The following SUSD4 variants were observed in gnomAD, a reference collection of about 807,000 sequenced individuals.
The protein encoded by SUSD4 is sushi domain containing 4.
A neutral mutation model predicts 50.5 loss-of-function variants in SUSD4; 41 were observed. The observed-to-expected ratio is 0.81, with a 90% CI of 0.63 to 1.05. The LOEUF (loss-of-function observed/expected upper bound fraction) is 1.05, where lower values mean the gene tolerates loss of function less well. Among genes scored for constraint, SUSD4 ranks in the 50% least tolerant of loss-of-function variants. The probability of loss-of-function intolerance (pLI) is 0.00; values close to 1 mark genes in which losing one functional copy is unlikely to be tolerated. For synonymous variants in SUSD4, 257 were observed against 257.3 expected (o/e 1.00, Z 0.01); for missense variants, 580 against 634.7 (o/e 0.91, Z 0.93).
intron 2 of SUSD4, among the ~76,000 whole-genome samples, chr1:223,355,976 G>GCACATCC: frequency 6.6e-6 from 1 of 152,262 alleles, no homozygotes. Context: ...GCTGGGGCCT[G>GCACATCC]CACATGCCTC....
At chr1:223,251,525 T>A (rs151000231) in intron 5 of SUSD4, among the ~76,000 whole-genome samples, 1 of 152,074 alleles carries the variant, frequency 6.6e-6, no homozygotes, top group African/African-American at 2.4e-5. Context: ...GGAAATAACA[T>A]CCAAAACATA....
chr1:223,328,886 C>T (rs1390831824), intron 2 of SUSD4, among the ~76,000 whole-genome samples: 1 of 152,180 alleles, frequency 6.6e-6, no homozygotes, highest in African/African-American at 2.4e-5. Context: ...ACCATGACTC[C>T]ACAAACTTTA....
At chr1:223,232,172 G>C (rs889772207) in intron 5 of SUSD4, among the ~76,000 whole-genome samples, 4 of 152,198 alleles carry the variant, frequency 2.6e-5, no homozygotes, top group Non-Finnish European at 4.4e-5. Context: ...TGGGGAGGTA[G>C]AGGGAATCAG....
intron 2 of SUSD4, among the ~76,000 whole-genome samples, chr1:223,298,118 A>T (rs1309293886): frequency 6.6e-6 from 1 of 151,930 alleles, no homozygotes; most frequent in Non-Finnish European, 1.5e-5. Context: ...GCATCGCTAG[A>T]TGGATGGATG....
intron 3 of SUSD4, among the ~76,000 whole-genome samples, chr1:223,283,414 G>GA (rs1277998971): frequency 6.6e-6 from 1 of 152,124 alleles, no homozygotes; most frequent in Non-Finnish European, 1.5e-5. Flanking sequence ...ATCAAAAATG[G>GA]GTGAAGGATA....
intron 2 of SUSD4, among the ~76,000 whole-genome samples, chr1:223,353,850 T>C (rs763591128): frequency 1.3e-5 from 2 of 152,002 alleles, no homozygotes; most frequent in Non-Finnish European, 2.9e-5. Context: ...AAGCCACTCA[T>C]GGCCACACTG....
chr1:223,252,145 C>T (rs1661357335), intron 5 of SUSD4, among the ~76,000 whole-genome samples: 2 of 147,840 alleles, frequency 1.4e-5, no homozygotes, highest in Admixed American at 6.8e-5. Flanking sequence ...GTGCAGCACA[C>T]CAACATGGCA....
chr1:223,325,067 AT>A (rs1378771036), intron 2 of SUSD4, among the ~76,000 whole-genome samples: 1 of 152,084 alleles, frequency 6.6e-6, no homozygotes, highest in Non-Finnish European at 1.5e-5. Context: ...GCATTTGGAA[AT>A]TCTTATGATT....
At chr1:223,286,416 A>T (rs1165678120) in intron 3 of SUSD4, among the ~76,000 whole-genome samples, 1 of 151,372 alleles carries the variant, frequency 6.6e-6, no homozygotes, top group Admixed American at 6.6e-5. Flanking sequence ...CACCTGGCCA[A>T]TTTTTTGTAT....
rs959080944 is a variant in SUSD4, at chr1:223,221,865, G to A, written c.*327C>T. The A allele has an allele frequency of 1.1e-5, 3 of 269,672 alleles. No individual in the cohort carries two copies. Among genetic ancestry groups the A allele is most frequent in the South Asian group, 1.5e-4 (1 of 6,806 alleles). The allele number at this position is 269,672 out of a possible 1,614,324, so 16.7% of individuals were successfully genotyped here. A position where few individuals can be genotyped will look rare whatever the true frequency, so the allele number is the denominator to read the frequency against. On this transcript the variant is annotated 3_prime_UTR_variant, in exon 9 of 9. Coordinates refer to ENST00000366878, the MANE Select transcript of SUSD4 (RefSeq NM_017982.4). ...GAGTACTTGCCAGTCAATGGGATGC[G>A]TGATGATTCGGTGGGATGTGCGTGG... is the stretch of plus-strand genomic sequence containing the variant.
chr1:223,298,127 T>C (rs1664953062), intron 2 of SUSD4, among the ~76,000 whole-genome samples: 2 of 151,742 alleles, frequency 1.3e-5, no homozygotes, highest in South Asian at 2.1e-4. Context: ...GATGGATGGA[T>C]GGATGAATGG....
intron 2 of SUSD4, among the ~76,000 whole-genome samples, chr1:223,359,749 C>T (rs986319996): frequency 1.3e-5 from 2 of 152,114 alleles, no homozygotes; most frequent in African/African-American, 4.8e-5. Flanking sequence ...TAGAGGGTTA[C>T]AGCTAGTGCA....
At chr1:223,258,574 C>T (rs1315590439) in intron 5 of SUSD4, among the ~76,000 whole-genome samples, 1 of 152,068 alleles carries the variant, frequency 6.6e-6, no homozygotes, top group Non-Finnish European at 1.5e-5. Context: ...GATTTAAAAA[C>T]CTAAACTTTC....
chr1:223,231,397 C>T lies in SUSD4; in HGVS notation c.725-2009G>A, dbSNP rs1192881699. Among the ~76,000 whole-genome samples the T allele has an allele frequency of 6.6e-6, 1 of 152,146 alleles. No homozygotes were observed. Among genetic ancestry groups the T allele is most frequent in the African/African-American group, 2.4e-5 (1 of 41,440 alleles). On this transcript the variant is annotated intron_variant, in intron 5 of 8. Coordinates refer to ENST00000366878, the MANE Select transcript of SUSD4 (RefSeq NM_017982.4). This position sits in a 1 kb window ranked among gnomAD's most constrained non-coding sequence, Gnocchi z 4.2. Reference sequence around the variant, plus strand: ...GTAAATGGTGGCTGTCAGGTGGCTGCTGTGAGCATCCCACAGGTGGACACT... The same window carrying T: ...GTAAATGGTGGCTGTCAGGTGGCTGTTGTGAGCATCCCACAGGTGGACACT...
intron 2 of SUSD4, among the ~76,000 whole-genome samples, chr1:223,331,266 G>T (rs888315958): frequency 2.0e-5 from 3 of 152,178 alleles, no homozygotes; most frequent in Non-Finnish European, 2.9e-5. Flanking sequence ...TCAATTTGGG[G>T]GCGCTTTGGA....
chr1:223,324,263 A>G (rs1200239227), intron 2 of SUSD4, among the ~76,000 whole-genome samples: 1 of 150,916 alleles, frequency 6.6e-6, no homozygotes, highest in Non-Finnish European at 1.5e-5. Context: ...CATGAAGAGA[A>G]AGGAAAACAA....
chr1:223,245,571 A>G (rs952757796), intron 5 of SUSD4, among the ~76,000 whole-genome samples: 4 of 152,122 alleles, frequency 2.6e-5, no homozygotes, highest in African/African-American at 9.7e-5. Context: ...AGCTGCATGG[A>G]ACCACGGCAA....
intron 2 of SUSD4, among the ~76,000 whole-genome samples, chr1:223,323,031 G>A (rs534650116): frequency 3.9e-5 from 6 of 152,230 alleles, no homozygotes; most frequent in Admixed American, 3.3e-4. Flanking sequence ...GGAAGCAGAC[G>A]GCCCTTCCAG....
chr1:223,320,166 C>T (rs760236679), intron 2 of SUSD4, among the ~76,000 whole-genome samples: 1 of 152,150 alleles, frequency 6.6e-6, no homozygotes, highest in Non-Finnish European at 1.5e-5. Flanking sequence ...GGGAGTTACA[C>T]TTTTGTCCTT....
Sources: gnomAD v4.1 joint callset for allele counts (sites outside exome capture counted in the v4.1 genomes callset) on GRCh38, gnomAD v4.1.1 for gene constraint, Gnocchi (gnomAD v3.1) non-coding constraint, MANE v1.5 for transcripts, NCBI Gene and HGNC (gene_info 2026-07-23, HGNC 2026-07-21) for gene names.